Variants in OSBP2 observed in about 807,000 individuals in gnomAD.
OSBP2 encodes the protein oxysterol-binding protein 2.
OSBP2 carries 66 observed loss-of-function variants against 96.0 expected under a neutral mutation model. The observed-to-expected ratio is 0.69, with a 90% CI of 0.56 to 0.84. OSBP2 has a LOEUF of 0.84. Ranked by LOEUF, OSBP2 falls within the 40% of genes least tolerant of loss-of-function variation. The probability of loss-of-function intolerance (pLI) is 0.00; values close to 1 mark genes in which losing one functional copy is unlikely to be tolerated. For missense variants in OSBP2, 1,038 were observed against 1,222.7 expected (o/e 0.85, Z 2.25); for synonymous variants, 525 against 520.9 (o/e 1.01, Z -0.11).
chr22:30,766,317 G>C (rs940431603), intron 2 of OSBP2, among the ~76,000 whole-genome samples: 2 of 152,204 alleles, frequency 1.3e-5, no homozygotes, highest in African/African-American at 4.8e-5. Flanking sequence ...ACATTGAATG[G>C]TACCTGGCGG....
chr22:30,843,559 G>A (rs539060518), intron 2 of OSBP2, among the ~76,000 whole-genome samples: 2 of 152,054 alleles, frequency 1.3e-5, no homozygotes, highest in Non-Finnish European at 2.9e-5. Flanking sequence ...TAGAGCATAG[G>A]CCGAATAAAT....
At chr22:30,874,197 A>G (rs1175604687) in intron 3 of OSBP2, among the ~76,000 whole-genome samples, 1 of 152,206 alleles carries the variant, frequency 6.6e-6, no homozygotes, top group Non-Finnish European at 1.5e-5. Context: ...AGATCGCACC[A>G]CTGCATTCCA....
At chr22:30,829,966 T>A (rs2038488322) in intron 2 of OSBP2, among the ~76,000 whole-genome samples, 1 of 152,110 alleles carries the variant, frequency 6.6e-6, no homozygotes, top group South Asian at 2.1e-4. Context: ...AGTGAAAAGA[T>A]CTCAAGGTGG....
intron 2 of OSBP2, among the ~76,000 whole-genome samples, chr22:30,850,884 T>C (rs2147059570): frequency 6.6e-6 from 1 of 152,304 alleles, no homozygotes; most frequent in South Asian, 2.1e-4. Context: ...ATTGAATCTA[T>C]ACATTAATTG....
intron 3 of OSBP2, among the ~76,000 whole-genome samples, chr22:30,880,273 A>G (rs1053205901): frequency 6.6e-6 from 1 of 152,210 alleles, no homozygotes; most frequent in African/African-American, 2.4e-5. Context: ...CCTTGGCCCT[A>G]GAAACCTGGA....
chr22:30,805,301 T>C (rs1364563845), intron 2 of OSBP2, among the ~76,000 whole-genome samples: 2 of 152,234 alleles, frequency 1.3e-5, no homozygotes, highest in Non-Finnish European at 2.9e-5. Context: ...GTGATGACTA[T>C]TTGTCAATAG....
chr22:30,826,836 G>A (rs1347006673), intron 2 of OSBP2, among the ~76,000 whole-genome samples: 1 of 152,114 alleles, frequency 6.6e-6, no homozygotes, highest in Non-Finnish European at 1.5e-5. Flanking sequence ...GCATTCCCCT[G>A]GTGCACTCCC....
At chr22:30,758,767 C>T (rs1453014395) in intron 2 of OSBP2, among the ~76,000 whole-genome samples, 2 of 152,148 alleles carry the variant, frequency 1.3e-5, no homozygotes, top group Non-Finnish European at 2.9e-5. Flanking sequence ...CCATTTTTCT[C>T]TCACTCTTCC....
At chr22:30,860,167 A>T (rs1234584252) in intron 2 of OSBP2, among the ~76,000 whole-genome samples, 1 of 152,150 alleles carries the variant, frequency 6.6e-6, no homozygotes, top group Non-Finnish European at 1.5e-5. Context: ...AAAATAAAAA[A>T]AAATACCAAT....
At chr22:30,743,830 G>A (rs1310675848) in intron 2 of OSBP2, among the ~76,000 whole-genome samples, 3 of 152,186 alleles carry the variant, frequency 2.0e-5, no homozygotes, top group African/African-American at 7.2e-5. Context: ...TTGGCAGGGT[G>A]CGGAGGTGAG....
At chr22:30,895,116 A>G (rs967343389) in intron 12 of OSBP2, among the ~76,000 whole-genome samples, 4 of 152,196 alleles carry the variant, frequency 2.6e-5, no homozygotes, top group African/African-American at 7.2e-5. Flanking sequence ...GAAGGGAGGG[A>G]AACTGCTCAA....
intron 3 of OSBP2, among the ~76,000 whole-genome samples, chr22:30,874,765 T>C (rs2039542636): frequency 6.6e-6 from 1 of 152,236 alleles, no homozygotes; most frequent in African/African-American, 2.4e-5. Flanking sequence ...GTGCTGTACC[T>C]TCTAGAACAC....
intron 2 of OSBP2, among the ~76,000 whole-genome samples, chr22:30,767,658 T>C (rs932643716): frequency 1.3e-5 from 2 of 152,124 alleles, no homozygotes; most frequent in Non-Finnish European, 2.9e-5. Context: ...CTTAGAGAGT[T>C]TGCAGGAAGT....
chr22:30,897,270 A>AAATT lies in OSBP2; in HGVS notation c.2375+3271_2375+3274dup, dbSNP rs144805285. 1.5e-3 allele frequency among the ~76,000 whole-genome samples: 230 copies of AAATT among 152,360 alleles called. 1 individual carries two copies. The highest frequency in any genetic ancestry group is 5.5e-3 in the African/African-American group (227 of 41,580). ...TTGATAAATCCATCACCACAGTGGG[A>AAATT]AATTAGGAAGTTTCTGTACACCTCT... On this transcript the variant is annotated intron_variant, in intron 12 of 13. Coordinates refer to ENST00000332585, the MANE Select transcript of OSBP2 (RefSeq NM_030758.4).
At chr22:30,785,697 A>C (rs1382655241) in intron 2 of OSBP2, among the ~76,000 whole-genome samples, 1 of 152,046 alleles carries the variant, frequency 6.6e-6, no homozygotes, top group Non-Finnish European at 1.5e-5. Flanking sequence ...TGTAATCCCC[A>C]CATATCGAGG....
intron 12 of OSBP2, among the ~76,000 whole-genome samples, chr22:30,899,916 A>G (rs1440092398): frequency 6.6e-6 from 1 of 152,258 alleles, no homozygotes; most frequent in African/African-American, 2.4e-5. Flanking sequence ...AGATTAATAT[A>G]CGAAAGCCAG....
At chr22:30,776,697 A>T (rs1264496245) in intron 2 of OSBP2, among the ~76,000 whole-genome samples, 2 of 151,898 alleles carry the variant, frequency 1.3e-5, no homozygotes. Context: ...ACATTTTGAT[A>T]CTGTTGCTGA....
At chr22:30,894,029 A>C (rs1276203478) in intron 12 of OSBP2, 28 bp downstream of exon 12, 1 of 1,569,468 alleles carries the variant, frequency 6.4e-7, no homozygotes, top group Non-Finnish European at 8.6e-7. Flanking sequence ...GGGCCCCGCC[A>C]CAGGCAAAGG....
intron 1 of OSBP2, among the ~76,000 whole-genome samples, chr22:30,703,467 C>T (rs935913061): frequency 3.3e-5 from 5 of 150,068 alleles, no homozygotes; most frequent in African/African-American, 1.2e-4. Context: ...AGCCACCATG[C>T]CCGGCCTTAT....
Sources: allele counts gnomAD v4.1 joint callset (sites outside exome capture counted in the v4.1 genomes callset), GRCh38; gene constraint gnomAD v4.1.1; transcripts MANE v1.5; gene names NCBI Gene and HGNC (gene_info 2026-07-23, HGNC 2026-07-21).